CC2D2B: variants seen among roughly 807,000 people sequenced by gnomAD.
CC2D2B encodes the protein coiled-coil and C2 domain containing 2B.
In CC2D2B, 128 loss-of-function variants were observed where a neutral mutation model predicts 161.2. That is an observed-to-expected ratio of 0.79 (90% CI 0.69 to 0.92). CC2D2B has a LOEUF of 0.92. CC2D2B is among the 40% of genes least tolerant of loss of function. The probability of loss-of-function intolerance (pLI) is 0.00; values close to 1 mark genes in which losing one functional copy is unlikely to be tolerated. For missense variants in CC2D2B, 1,173 were observed against 1,375.1 expected, an observed-to-expected ratio of 0.85 and a Z score of 2.32; for synonymous variants, 391 against 449.8, an observed-to-expected ratio of 0.87 and a Z score of 1.65.
chr10:95,933,744 T>C (rs939436760), intron 6 of CC2D2B, among the ~76,000 whole-genome samples: 3 of 152,178 alleles, frequency 2.0e-5, no homozygotes, highest in Admixed American at 6.5e-5. Context: ...GCCTCTTCCT[T>C]CCTCTGGAAG....
At chr10:96,029,280 A>G (rs1328020723) in intron 34 of CC2D2B, among the ~76,000 whole-genome samples, 35 of 50,900 alleles carry the variant, frequency 6.9e-4, no homozygotes, top group East Asian at 4.6e-3. Context: ...ATATATATAT[A>G]TATATGTATA....
At chr10:95,926,815 A>AGTGTGTGTGTGTGTGTGTGTGTGTGTGT (rs71486778) in intron 5 of CC2D2B, among the ~76,000 whole-genome samples, 31 of 135,004 alleles carry the variant, frequency 2.3e-4, no homozygotes, top group Non-Finnish European at 3.5e-4. Flanking sequence ...CTGAGGTGGC[A>AGTGTGTGTGTGTGTGTGTGTGTGTGTGT]GTGTGTGTGT....
chr10:95,958,301 A>T (rs1454264567), intron 11 of CC2D2B, among the ~76,000 whole-genome samples: 1 of 152,078 alleles, frequency 6.6e-6, no homozygotes, highest in African/African-American at 2.4e-5. Context: ...AGACTAGCGT[A>T]GTTAACATGG....
chr10:95,908,448 C>G (rs947295230), intron 1 of CC2D2B, among the ~76,000 whole-genome samples: 4 of 152,140 alleles, frequency 2.6e-5, no homozygotes, highest in Admixed American at 1.3e-4. Flanking sequence ...TGTTGGAGAT[C>G]AAGAGACAGA....
intron 11 of CC2D2B, among the ~76,000 whole-genome samples, chr10:95,958,796 G>T (rs951921484): frequency 1.4e-4 from 21 of 149,218 alleles, no homozygotes; most frequent in African/African-American, 4.6e-4. Context: ...CAGTGGAGGA[G>T]ATTCAAAAGG....
chr10:96,003,586 T>TTC (rs367897516), intron 24 of CC2D2B, among the ~76,000 whole-genome samples: 3 of 127,654 alleles, frequency 2.4e-5, no homozygotes, highest in Non-Finnish European at 3.2e-5. Flanking sequence ...GCCCGGCTAA[T>TTC]TGTGTGTGTG....
intron 6 of CC2D2B, among the ~76,000 whole-genome samples, chr10:95,929,664 A>G (rs1298234250): frequency 2.0e-5 from 3 of 152,110 alleles, no homozygotes; most frequent in Admixed American, 6.5e-5. Context: ...TCTTTACCCC[A>G]TTGCTTGTTT....
At chr10:95,944,237 G>T (rs11819621) in intron 9 of CC2D2B, among the ~76,000 whole-genome samples, 5,542 of 152,200 alleles carry the variant, frequency 0.036, 140 homozygotes, top group South Asian at 0.079. Context: ...CCTACAAGGT[G>T]CTTATCATAC....
chr10:95,924,311 T>A lies in CC2D2B; in HGVS notation c.98-3T>A. 6.8e-7 allele frequency: 1 copy of A among 1,472,340 alleles called. No individual in the cohort carries two copies. Among genetic ancestry groups the A allele is most frequent in the Non-Finnish European group, 9.1e-7 (1 of 1,099,420 alleles). 91.2% of individuals were successfully genotyped at this position (1,472,340 alleles called of 1,614,324 possible). A position where few individuals can be genotyped will look rare whatever the true frequency, so the allele number is the denominator to read the frequency against. On this transcript the variant is annotated splice_polypyrimidine_tract_variant and splice_region_variant and intron_variant, in intron 3 of 34. Coordinates refer to ENST00000646931, the MANE Select transcript of CC2D2B (RefSeq NM_001349008.3). The stretch of plus-strand genomic sequence containing the variant: ...ACTCTTTATTATGTTGGTTTCCTGA[T>A]AGATTTAGATGCAGAAGAAAATCAA...
chr10:95,922,544 A>G (rs531581785), intron 3 of CC2D2B, among the ~76,000 whole-genome samples: 1 of 152,376 alleles, frequency 6.6e-6, no homozygotes, highest in South Asian at 2.1e-4. Context: ...ACTGTGGTTA[A>G]ACATGAAGAT....
At chr10:95,980,911 A>G (rs1244251754) in intron 17 of CC2D2B, among the ~76,000 whole-genome samples, 3 of 152,168 alleles carry the variant, frequency 2.0e-5, no homozygotes, top group South Asian at 2.1e-4. Context: ...TTGTAGTCCA[A>G]ATTTCTCTAG....
At chr10:95,924,969 T>C (rs2098535768) in intron 5 of CC2D2B, 125 bp downstream of exon 5, 3 of 591,440 alleles carry the variant, frequency 5.1e-6, no homozygotes, top group South Asian at 2.8e-5. Flanking sequence ...ACAGAATTGT[T>C]CAATCAATAC....
chr10:96,024,685 T>A (rs118046414), intron 32 of CC2D2B, among the ~76,000 whole-genome samples, 168 bp from the exon 33 acceptor site: 1 of 152,206 alleles, frequency 6.6e-6, no homozygotes, highest in Non-Finnish European at 1.5e-5. Flanking sequence ...CGTGAAGCAG[T>A]GTGAAAATAA....
intron 2 of CC2D2B, among the ~76,000 whole-genome samples, chr10:95,917,434 C>T (rs2098518389): frequency 6.6e-6 from 1 of 151,042 alleles, no homozygotes; most frequent in African/African-American, 2.4e-5. Flanking sequence ...GTTGTTCTGT[C>T]TTCCTTCCTT....
At chr10:96,031,704 A>G in intron 34 of CC2D2B, 116 bp from the exon 35 acceptor site, 3 of 911,592 alleles carry the variant, frequency 3.3e-6, no homozygotes, top group Admixed American at 2.2e-5. Context: ...ACAGACAACT[A>G]TTATAGTATT....
rs79027772 is a variant in CC2D2B, at chr10:95,971,532, C to G, written c.1645-534C>G. ...CTATGGGACTGTCTACTCAGCACCC[C>G]CTTTTCCTTTCTTCTGGAGCTTTTC... On this transcript the variant is annotated intron_variant, in intron 15 of 34. Coordinates refer to ENST00000646931, the MANE Select transcript of CC2D2B (RefSeq NM_001349008.3). Among the ~76,000 whole-genome samples, 255 of 152,266 alleles carry G rather than the reference C, an allele frequency of 1.7e-3. 1 individual carries two copies. Among genetic ancestry groups the G allele is most frequent in the African/African-American group, 5.8e-3 (242 of 41,568 alleles).
At chr10:95,956,819 A>G (rs1468986808) in intron 11 of CC2D2B, among the ~76,000 whole-genome samples, 1 of 152,192 alleles carries the variant, frequency 6.6e-6, no homozygotes, top group Non-Finnish European at 1.5e-5. Flanking sequence ...AATACCCACT[A>G]CAATGTAAAT....
intron 17 of CC2D2B, among the ~76,000 whole-genome samples, chr10:95,975,841 A>G (rs1318420319): frequency 6.6e-6 from 1 of 152,204 alleles, no homozygotes; most frequent in African/African-American, 2.4e-5. Flanking sequence ...AAGGTAATTC[A>G]TTTTGGAGCC....
intron 30 of CC2D2B, among the ~76,000 whole-genome samples, chr10:96,017,089 G>A (rs946771925): frequency 6.6e-6 from 1 of 152,182 alleles, no homozygotes; most frequent in African/African-American, 2.4e-5. Context: ...CCATTGCTGA[G>A]GTTTTAATCT....
Sources: allele counts gnomAD v4.1 joint callset (sites outside exome capture counted in the v4.1 genomes callset), GRCh38; gene constraint gnomAD v4.1.1; transcripts MANE v1.5; gene names NCBI Gene and HGNC (gene_info 2026-07-23, HGNC 2026-07-21).